The following SLC17A3 variants were observed in gnomAD, a reference collection of about 807,000 sequenced individuals.
The protein encoded by SLC17A3 is sodium-dependent phosphate transport protein 4.
A neutral mutation model predicts 60.3 loss-of-function variants in SLC17A3; 61 were observed. The ratio of observed to expected loss-of-function variants is 1.01; its 90% CI spans 0.82 to 1.25. The LOEUF is 1.25. SLC17A3 is among the 50% of genes most tolerant of loss of function. The pLI is 0.00. For synonymous variants in SLC17A3, 192 were observed against 208.9 expected, an observed-to-expected ratio of 0.92 and a Z score of 0.70; for missense variants, 624 against 594.9, an observed-to-expected ratio of 1.05 and a Z score of -0.51.
chr6:25,852,926 G>A (rs1765302222), intron 6 of SLC17A3, among the ~76,000 whole-genome samples: 1 of 152,098 alleles, frequency 6.6e-6, no homozygotes, highest in Non-Finnish European at 1.5e-5. Flanking sequence ...TTGTATTCCT[G>A]TAAATCTTAT....
At chr6:25,862,707 T>C (rs1423736610) in intron 2 of SLC17A3, among the ~76,000 whole-genome samples, 2 of 151,914 alleles carry the variant, frequency 1.3e-5, no homozygotes, top group Non-Finnish European at 2.9e-5. Context: ...CATTCCTAGG[T>C]CATTGTGTTC....
chr6:25,850,940 A>G, intron 6 of SLC17A3, 63 bp from the exon 7 acceptor site: 1 of 1,144,078 alleles, frequency 8.7e-7, no homozygotes, highest in Middle Eastern at 1.9e-4. Flanking sequence ...AACTTCTTTT[A>G]TGTTGGGATA....
Position 25,861,726 on chromosome 6 carries a change from A to T in SLC17A3, c.538-15T>A. ...AGTATTGAGGACTGAAATTAAAATG[A>T]TTAGAGTTCTTAATGTGTGGTGCCA... On this transcript the variant is annotated splice_polypyrimidine_tract_variant and intron_variant, in intron 4 of 12. Coordinates refer to ENST00000397060, the MANE Select transcript of SLC17A3 (RefSeq NM_001098486.2). 2.5e-6 allele frequency: 4 copies of T among 1,613,048 alleles called. No homozygotes were observed. The highest frequency in any genetic ancestry group is 3.4e-6 in the Non-Finnish European group (4 of 1,179,018).
intron 1 of SLC17A3, among the ~76,000 whole-genome samples, chr6:25,869,868 C>A (rs1223932260): frequency 6.6e-6 from 1 of 151,992 alleles, no homozygotes; most frequent in Non-Finnish European, 1.5e-5. Flanking sequence ...AAAGTATGTA[C>A]TCACTTTTCT....
In SLC17A3 at chr6:25,861,671, C is replaced by T. The variant is rs546093722; in HGVS notation, c.578G>A (p.Trp193Ter). Residue 193 changes from tryptophan to a stop codon, truncating the protein, a stop_gained, in exon 5 of 13, where the codon TGG becomes TAG. Transcript: ENST00000397060. LOFTEE classifies it high-confidence loss of function. Reference protein sequence around the residue: ...LGGQFAIWEKWGPPQERSRLC... With the variant: ...LGGQFAIWEK ...TCTGCTTCGTTCTTGTGGAGGGCCC[C>T]ACTTTTCCCAAATTGCAAACTGACC... 2 of 1,613,976 alleles carry T rather than the reference C, an allele frequency of 1.2e-6. No individual in the cohort carries two copies. Among genetic ancestry groups the T allele is most frequent in the South Asian group, 1.1e-5 (1 of 91,074 alleles).
intron 5 of SLC17A3, among the ~76,000 whole-genome samples, chr6:25,856,531 C>T (rs1276851609): frequency 1.3e-5 from 2 of 152,194 alleles, no homozygotes; most frequent in Admixed American, 6.5e-5. Flanking sequence ...AGCCACCATG[C>T]CCAGCCCCTC....
chr6:25,850,896 T>C lies in SLC17A3; in HGVS notation c.713-19A>G. 1 of 1,592,532 alleles carries C rather than the reference T, an allele frequency of 6.3e-7. No individual in the cohort carries two copies. The highest frequency in any genetic ancestry group is 8.6e-7 in the Non-Finnish European group (1 of 1,160,302). The stretch of plus-strand genomic sequence containing the variant: ...ACACCTCCTGTAAGCACAGGGTAAA[T>C]TTGGTAAATGGGCTGTTTTCTGCTT... On this transcript the variant is annotated intron_variant, in intron 6 of 12. Transcript: ENST00000397060.
At chr6:25,863,146 G>A (rs1400129214) in intron 2 of SLC17A3, among the ~76,000 whole-genome samples, 4 of 151,980 alleles carry the variant, frequency 2.6e-5, no homozygotes, top group Admixed American at 6.6e-5. Context: ...CTCATTCTCC[G>A]TTTTCCAGAT....
chr6:25,848,268 T>C (rs1765211728), intron 11 of SLC17A3, among the ~76,000 whole-genome samples: 1 of 152,216 alleles, frequency 6.6e-6, no homozygotes, highest in African/African-American at 2.4e-5. Context: ...AACCCAGTAG[T>C]GGGATGGCTG....
intron 2 of SLC17A3, among the ~76,000 whole-genome samples, chr6:25,864,898 T>C (rs1765510578): frequency 6.6e-6 from 1 of 151,612 alleles, no homozygotes; most frequent in Admixed American, 6.6e-5. Context: ...GGAGGTTGAA[T>C]AGATGGGGGA....
chr6:25,845,260 A>G lies in SLC17A3; in HGVS notation c.*41T>C, dbSNP rs370359062. The G allele has an allele frequency of 5.9e-6, 7 of 1,192,092 alleles. No individual in the cohort carries two copies. In the African/African-American group the frequency reaches 7.5e-5, roughly 13 times the overall value. The allele number at this position is 1,192,092 out of a possible 1,614,324, so 73.8% of individuals were successfully genotyped here. ...TCACGGAAGCCTTCTATTTTATGCA[A>G]TACGGTGCCTAATGACTTTTCCATC... On this transcript the variant is annotated 3_prime_UTR_variant, in exon 13 of 13. Coordinates refer to ENST00000397060, the MANE Select transcript of SLC17A3 (RefSeq NM_001098486.2).
rs938035354 is a variant in SLC17A3, at chr6:25,845,004, AT to A, written c.*296del. 7 of 207,944 alleles carry A rather than the reference AT, an allele frequency of 3.4e-5. No homozygotes were observed. Among genetic ancestry groups the A allele is most frequent in the Admixed American group, 3.2e-4 (6 of 18,926 alleles). The allele number at this position is 207,944 out of a possible 1,614,324, so 12.9% of individuals were successfully genotyped here. ...CACCCCGGATTAAAGGTTTTAAAACATTGTTTCTTGTATCCAGTAATGGAAT... is the reference window on the plus strand; with the variant it reads ...CACCCCGGATTAAAGGTTTTAAAACATGTTTCTTGTATCCAGTAATGGAAT... On this transcript the variant is annotated 3_prime_UTR_variant, in exon 13 of 13. Transcript: ENST00000397060.
At chr6:25,848,450 T>G (rs1186434740) in intron 11 of SLC17A3, among the ~76,000 whole-genome samples, 1 of 152,158 alleles carries the variant, frequency 6.6e-6, no homozygotes, top group Non-Finnish European at 1.5e-5. Context: ...TCCCTGATCA[T>G]TAGTGATGCT....
At chr6:25,853,293 TTCTC>T (rs58714145) in intron 6 of SLC17A3, among the ~76,000 whole-genome samples, 11 of 150,818 alleles carry the variant, frequency 7.3e-5, no homozygotes, top group African/African-American at 2.4e-4. Context: ...TTATCTCTCT[TTCTC>T]TCTCTCTCCA....
chr6:25,847,007 A>G (rs1333057840), intron 11 of SLC17A3, among the ~76,000 whole-genome samples: 1 of 152,006 alleles, frequency 6.6e-6, no homozygotes, highest in Non-Finnish European at 1.5e-5. Context: ...TGTTGTACAG[A>G]TATTTCATCA....
Position 25,868,212 on chromosome 6 carries a change from A to G in SLC17A3, c.91+85T>C. ...GTAAAAAGAATTAAAGAACTTAAAA[A>G]TCACAAATTCATTTTTATAGTAATA... On this transcript the variant is annotated intron_variant, in intron 2 of 12. Coordinates refer to ENST00000397060, the MANE Select transcript of SLC17A3 (RefSeq NM_001098486.2). The G allele has an allele frequency of 4.9e-6, 5 of 1,015,874 alleles. No individual in the cohort carries two copies. The East Asian group carries it at 1.2e-4, about 25-fold the overall frequency. The allele number at this position is 1,015,874 out of a possible 1,614,324, so 62.9% of individuals were successfully genotyped here. A position where few individuals can be genotyped will look rare whatever the true frequency, so the allele number is the denominator to read the frequency against.
chr6:25,869,416 G>A (rs1765602029), intron 1 of SLC17A3, among the ~76,000 whole-genome samples: 1 of 151,870 alleles, frequency 6.6e-6, no homozygotes, highest in Admixed American at 6.6e-5. Context: ...CAACTGCCCT[G>A]ATATCATTGT....
rs771757955 is a variant in SLC17A3 at position 25,862,314 on chromosome 6, G to A, written c.222C>T (p.Ser74=). ...VAMVNSTSPQ[S]QLNDSSEVLP... is the part of the protein sequence containing the mutation. ...GCACCTCAGAGGAATCATTGAGCTGGGATTGAGGGCTTGTGCTGTTGACCA... is the reference window on the plus strand; with the variant it reads ...GCACCTCAGAGGAATCATTGAGCTGAGATTGAGGGCTTGTGCTGTTGACCA... Residue 74 remains serine, a synonymous_variant, in exon 3 of 13, where the codon TCC becomes TCT. Coordinates refer to ENST00000397060, the MANE Select transcript of SLC17A3 (RefSeq NM_001098486.2). The A allele has an allele frequency of 1.4e-5, 22 of 1,613,702 alleles. No homozygotes were observed. Among genetic ancestry groups the A allele is most frequent in the Non-Finnish European group, 1.7e-5 (20 of 1,179,828 alleles).
chr6:25,854,728 T>A (rs1765331778), intron 6 of SLC17A3, among the ~76,000 whole-genome samples: 1 of 152,218 alleles, frequency 6.6e-6, no homozygotes, highest in African/African-American at 2.4e-5. Context: ...TTCTCCTCTC[T>A]AAGAAACTTG....
Sources: gnomAD v4.1 joint callset for allele counts (sites outside exome capture counted in the v4.1 genomes callset) on GRCh38, gnomAD v4.1.1 for gene constraint, MANE v1.5 for transcripts, NCBI Gene and HGNC (gene_info 2026-07-23, HGNC 2026-07-21) for gene names.